The following ASB3 variants were observed in gnomAD, a reference collection of about 807,000 sequenced individuals.
ASB3 encodes ankyrin repeat and SOCS box protein 3.
ASB3 carries 41 observed loss-of-function variants against 54.5 expected under a neutral mutation model. The observed-to-expected ratio is 0.75, with a 90% CI of 0.59 to 0.98. The LOEUF (loss-of-function observed/expected upper bound fraction) is 0.98, where lower values mean the gene tolerates loss of function less well. Among genes scored for constraint, ASB3 ranks in the 50% least tolerant of loss-of-function variants. The pLI, the probability that ASB3 is intolerant of heterozygous loss-of-function variation, is 0.00. For synonymous variants in ASB3, 266 were observed against 221.2 expected (o/e 1.20, Z -1.80); for missense variants, 733 against 620.0 (o/e 1.18, Z -1.94).
At chr2:53,765,702 C>G in intron 1 of ASB3, 117 bp from the exon 2 acceptor site, 4 of 1,200,286 alleles carry the variant, frequency 3.3e-6, no homozygotes, top group Non-Finnish European at 4.6e-6. Flanking sequence ...CGAAGAAGGG[C>G]CCACAATACA....
chr2:53,718,322 G>T (rs1425413009), intron 5 of ASB3, among the ~76,000 whole-genome samples: 1 of 152,148 alleles, frequency 6.6e-6, no homozygotes, highest in African/African-American at 2.4e-5. Flanking sequence ...GGACTTCTCA[G>T]CAGAAACCTT....
chr2:53,711,945 G>A (rs2103822363), intron 7 of ASB3, among the ~76,000 whole-genome samples: 1 of 152,258 alleles, frequency 6.6e-6, no homozygotes, highest in South Asian at 2.1e-4. Flanking sequence ...GAGAGAGGCT[G>A]TAGTGGAATT....
At chr2:53,730,802 A>C (rs528330589) in intron 3 of ASB3, among the ~76,000 whole-genome samples, 4 of 152,334 alleles carry the variant, frequency 2.6e-5, no homozygotes, top group African/African-American at 9.6e-5. Context: ...TTGAAGAATA[A>C]GATTTTTTTT....
chr2:53,723,945 A>T (rs1377225349), intron 5 of ASB3, among the ~76,000 whole-genome samples: 1 of 152,200 alleles, frequency 6.6e-6, no homozygotes, highest in Non-Finnish European at 1.5e-5. Flanking sequence ...AAGATGGATT[A>T]AAAGTTTAAA....
chr2:53,709,796 A>G (rs895948677), intron 7 of ASB3, among the ~76,000 whole-genome samples: 10 of 152,162 alleles, frequency 6.6e-5, no homozygotes, highest in Non-Finnish European at 1.2e-4. Flanking sequence ...CAGTCTTTCC[A>G]TATTGAATCA....
At chr2:53,688,130 T>C (rs1423234303) in intron 9 of ASB3, among the ~76,000 whole-genome samples, 2 of 152,240 alleles carry the variant, frequency 1.3e-5, no homozygotes, top group Admixed American at 1.3e-4. Flanking sequence ...TTGTTGTTTT[T>C]ATTGACCTTT....
chr2:53,736,244 C>G (rs1251581889), intron 3 of ASB3, among the ~76,000 whole-genome samples: 1 of 152,124 alleles, frequency 6.6e-6, no homozygotes, highest in Non-Finnish European at 1.5e-5. Flanking sequence ...AAGTACTCAC[C>G]TTCTTGTCAT....
chr2:53,682,298 A>C (rs1379310243), intron 9 of ASB3, among the ~76,000 whole-genome samples: 2 of 152,192 alleles, frequency 1.3e-5, no homozygotes, highest in African/African-American at 4.8e-5. Flanking sequence ...TCTTTCAATC[A>C]ATGAACACAG....
intron 3 of ASB3, among the ~76,000 whole-genome samples, chr2:53,741,538 G>A (rs571107058): frequency 1.3e-5 from 2 of 152,096 alleles, no homozygotes; most frequent in African/African-American, 2.4e-5. Flanking sequence ...TATATAAATC[G>A]ACTGACATTT....
intron 3 of ASB3, among the ~76,000 whole-genome samples, chr2:53,749,201 T>A (rs770435355): frequency 1.3e-5 from 2 of 152,002 alleles, no homozygotes; most frequent in Non-Finnish European, 2.9e-5. Flanking sequence ...TATGAATAGA[T>A]GCTCAACATC....
rs1668868321 is a variant in ASB3, at chr2:53,690,710, TC to T, written c.1369+3173del. On this transcript the variant is annotated intron_variant, in intron 9 of 9. Coordinates refer to ENST00000263634, the MANE Select transcript of ASB3 (RefSeq NM_016115.5). ...TTATCCATCTCCTACCTTTTTTTTT[TC>T]GTTTTTCTTTTCCTTCTACTTTTAA... Among the ~76,000 whole-genome samples, 4 of 152,094 alleles carry T rather than the reference TC, an allele frequency of 2.6e-5. 1 individual carries two copies. The highest frequency in any genetic ancestry group is 4.8e-5 in the African/African-American group (2 of 41,402).
chr2:53,719,116 G>A (rs1670558552), intron 5 of ASB3, among the ~76,000 whole-genome samples: 4 of 152,054 alleles, frequency 2.6e-5, no homozygotes. Flanking sequence ...ATAGAGACGG[G>A]GTTTCACCAT....
intron 1 of ASB3, chr2:53,767,317 T>C (rs1673530371): frequency 6.6e-6 from 1 of 152,292 alleles, no homozygotes; most frequent in Non-Finnish European, 1.5e-5. Flanking sequence ...TGCTTTTATT[T>C]GAAAGGCAAA....
chr2:53,687,303 T>C (rs994820275), intron 9 of ASB3, among the ~76,000 whole-genome samples: 8 of 152,016 alleles, frequency 5.3e-5, no homozygotes, highest in African/African-American at 1.9e-4. Flanking sequence ...CTCTTAAATC[T>C]AGAAATAAGG....
chr2:53,680,808 T>C (rs551101953), intron 9 of ASB3, among the ~76,000 whole-genome samples: 2 of 152,278 alleles, frequency 1.3e-5, no homozygotes, highest in Admixed American at 6.5e-5. Flanking sequence ...TGATATCAAA[T>C]AGATCTTATT....
At chr2:53,779,955 T>C (rs949614228) in intron 1 of ASB3, among the ~76,000 whole-genome samples, 17 of 152,206 alleles carry the variant, frequency 1.1e-4, no homozygotes, top group African/African-American at 3.1e-4. Flanking sequence ...TGAAGGCTTT[T>C]TGTGATAAGG....
chr2:53,737,603 G>A (rs933406452), intron 3 of ASB3, among the ~76,000 whole-genome samples: 1 of 151,852 alleles, frequency 6.6e-6, no homozygotes, highest in Non-Finnish European at 1.5e-5. Flanking sequence ...GGCTAAGTCA[G>A]AGTGATGAGA....
At chr2:53,744,142 C>T (rs1672091990) in intron 3 of ASB3, among the ~76,000 whole-genome samples, 1 of 151,322 alleles carries the variant, frequency 6.6e-6, no homozygotes, top group South Asian at 2.1e-4. Flanking sequence ...TTTGGGAAGC[C>T]GAGGCAGGTG....
At chr2:53,679,416 C>CT (rs937253569) in intron 9 of ASB3, among the ~76,000 whole-genome samples, 10 of 151,384 alleles carry the variant, frequency 6.6e-5, no homozygotes, top group East Asian at 5.8e-4. Flanking sequence ...GTCTTATGGG[C>CT]TTTTTTTTTC....
Sources: gnomAD v4.1 joint callset for allele counts (sites outside exome capture counted in the v4.1 genomes callset) on GRCh38, gnomAD v4.1.1 for gene constraint, MANE v1.5 for transcripts, NCBI Gene and HGNC (gene_info 2026-07-23, HGNC 2026-07-21) for gene names.